Variants in CLSTN2 observed in about 807,000 individuals in gnomAD.
CLSTN2 encodes the protein calsyntenin-2.
Under a neutral mutation model 101.2 loss-of-function variants are expected in CLSTN2, and 48 were observed. The observed-to-expected ratio is 0.47, with a 90% CI of 0.38 to 0.60. The LOEUF is 0.60. Ranked by LOEUF, CLSTN2 falls within the 20% of genes least tolerant of loss-of-function variation. CLSTN2 has a pLI of 0.00. For missense variants in CLSTN2, 1,160 were observed against 1,238.2 expected (o/e 0.94, Z 0.95); for synonymous variants, 481 against 463.6 (o/e 1.04, Z -0.48).
At chr3:140,009,191 T>C (rs1241499738) in intron 1 of CLSTN2, among the ~76,000 whole-genome samples, 1 of 152,218 alleles carries the variant, frequency 6.6e-6, no homozygotes. Flanking sequence ...TTCCTATCTA[T>C]TGTACTTATC....
intron 2 of CLSTN2, among the ~76,000 whole-genome samples, chr3:140,330,032 A>G (rs910095454): frequency 6.6e-6 from 1 of 152,162 alleles, no homozygotes; most frequent in Non-Finnish European, 1.5e-5. Flanking sequence ...CTAGGGTTCT[A>G]TGATGCTGGC....
chr3:140,266,742 G>A (rs559106224), intron 2 of CLSTN2, among the ~76,000 whole-genome samples: 1 of 152,176 alleles, frequency 6.6e-6, no homozygotes. Flanking sequence ...CAAAGATCTT[G>A]ATTAGTCTAA....
intron 2 of CLSTN2, among the ~76,000 whole-genome samples, chr3:140,316,199 A>T (rs893717932): frequency 6.6e-6 from 1 of 152,180 alleles, no homozygotes; most frequent in Admixed American, 6.5e-5. Context: ...ATTCAGTGCA[A>T]GCAGTGAGGT....
intron 7 of CLSTN2, among the ~76,000 whole-genome samples, chr3:140,465,201 A>G (rs752222083): frequency 6.6e-6 from 1 of 152,234 alleles, no homozygotes; most frequent in Admixed American, 6.5e-5. Context: ...TGAAGTCATC[A>G]TCAAGGTAAA....
At chr3:140,471,050 G>A (rs945277457) in intron 8 of CLSTN2, among the ~76,000 whole-genome samples, 1 of 152,308 alleles carries the variant, frequency 6.6e-6, no homozygotes. Context: ...GCAGCTCCAG[G>A]AGATGCCTGT....
chr3:140,089,421 A>G (rs1469367020), intron 1 of CLSTN2, among the ~76,000 whole-genome samples: 1 of 152,028 alleles, frequency 6.6e-6, no homozygotes, highest in African/African-American at 2.4e-5. Flanking sequence ...GCCTCAACCC[A>G]GCTTCTCCAG....
Position 140,499,178 on chromosome 3 carries a change from C to G in CLSTN2, c.1344+32447C>G, listed in dbSNP as rs911384453. On this transcript the variant is annotated intron_variant, in intron 8 of 16. Transcript: ENST00000458420. The stretch of plus-strand genomic sequence containing the variant: ...AATTTTGCTAGAAATAATTCATATA[C>G]CTGACTCTGAAAAGCAGGGAGCTTC... Among the ~76,000 whole-genome samples, 3 of 152,092 alleles carry G rather than the reference C, an allele frequency of 2.0e-5. 1 individual carries two copies. The South Asian group carries it at 6.2e-4, about 32-fold the overall frequency.
intron 2 of CLSTN2, among the ~76,000 whole-genome samples, chr3:140,368,719 C>A (rs1247710577): frequency 6.6e-6 from 1 of 152,152 alleles, no homozygotes; most frequent in South Asian, 2.1e-4. Flanking sequence ...AAAGACTGGT[C>A]AGGACTTGAA....
chr3:140,383,926 A>G (rs531599717), intron 2 of CLSTN2, among the ~76,000 whole-genome samples: 3 of 152,342 alleles, frequency 2.0e-5, no homozygotes, highest in African/African-American at 4.8e-5. Flanking sequence ...TGTAATACCA[A>G]TATCCACGTA....
intron 8 of CLSTN2, among the ~76,000 whole-genome samples, chr3:140,490,737 T>C (rs1383428896): frequency 6.6e-6 from 1 of 152,090 alleles, no homozygotes; most frequent in Non-Finnish European, 1.5e-5. Context: ...AGGCTGAACA[T>C]TGATACTACG....
At chr3:140,242,868 G>A (rs1380784647) in intron 2 of CLSTN2, among the ~76,000 whole-genome samples, 1 of 152,158 alleles carries the variant, frequency 6.6e-6, no homozygotes, top group East Asian at 1.9e-4. Context: ...TGGAGGAAGG[G>A]CCTGAGCTGT....
At position 140,145,305 on chromosome 3, in the gene CLSTN2, A is replaced by C. The variant is rs117020333; in HGVS notation, c.110-30646A>C. Reference sequence around the variant, plus strand: ...GTGAAGGAGCCCCAGGGAAATCCATAACATCTTTGAGCCTGGTATAGCCTG... The same window carrying C: ...GTGAAGGAGCCCCAGGGAAATCCATCACATCTTTGAGCCTGGTATAGCCTG... On this transcript the variant is annotated intron_variant, in intron 1 of 16. Coordinates refer to ENST00000458420, the MANE Select transcript of CLSTN2 (RefSeq NM_022131.3). 6.6e-4 allele frequency among the ~76,000 whole-genome samples: 101 copies of C among 152,314 alleles called. No individual in the cohort carries two copies. The East Asian group carries it at 0.017, about 25-fold the overall frequency.
chr3:140,152,323 T>C (rs564202740), intron 1 of CLSTN2, among the ~76,000 whole-genome samples: 138 of 152,216 alleles, frequency 9.1e-4, no homozygotes, highest in African/African-American at 3.2e-3. Context: ...TCGTTTCCCA[T>C]GCTGTTCTCT....
chr3:140,180,304 G>A (rs924256786), intron 2 of CLSTN2, among the ~76,000 whole-genome samples: 2 of 152,126 alleles, frequency 1.3e-5, no homozygotes, highest in Admixed American at 6.5e-5. Flanking sequence ...CTTACTCTAA[G>A]TTCTCTTTCC....
At chr3:140,024,857 G>A (rs1315777526) in intron 1 of CLSTN2, among the ~76,000 whole-genome samples, 1 of 152,142 alleles carries the variant, frequency 6.6e-6, no homozygotes, top group East Asian at 1.9e-4. Flanking sequence ...TAAAGTACAT[G>A]GCACATATTT....
At chr3:140,500,053 C>T (rs1243067376) in intron 8 of CLSTN2, among the ~76,000 whole-genome samples, 30 of 149,566 alleles carry the variant, frequency 2.0e-4, no homozygotes, top group Admixed American at 1.9e-3. Context: ...GGTGACAGAG[C>T]GCGACTCCGT....
intron 2 of CLSTN2, among the ~76,000 whole-genome samples, chr3:140,366,299 C>CA (rs1436675690): frequency 6.6e-6 from 1 of 152,176 alleles, no homozygotes; most frequent in African/African-American, 2.4e-5. Flanking sequence ...AGGTGACACT[C>CA]AGAGTATGGG....
rs149796847 is a variant in CLSTN2 at position 139,953,484 on chromosome 3, C to T, written c.109+18001C>T. On this transcript the variant is annotated intron_variant, in intron 1 of 16. Coordinates refer to ENST00000458420, the MANE Select transcript of CLSTN2 (RefSeq NM_022131.3). Reference sequence around the variant, plus strand: ...GTATCCCCTCTGCTCATGCCTTTTTCGTGCAGGTAGGCCTGACTTCCAGCA... The same window carrying T: ...GTATCCCCTCTGCTCATGCCTTTTTTGTGCAGGTAGGCCTGACTTCCAGCA... Among the ~76,000 whole-genome samples the T allele has an allele frequency of 2.0e-4, 31 of 152,234 alleles. No homozygotes were observed. In the East Asian group the frequency reaches 5.8e-3, roughly 28 times the overall value.
At chr3:140,202,732 T>C (rs1006536585) in intron 2 of CLSTN2, among the ~76,000 whole-genome samples, 2 of 152,030 alleles carry the variant, frequency 1.3e-5, no homozygotes, top group Non-Finnish European at 2.9e-5. Context: ...ATAGAATAAA[T>C]GGCCAGTGTG....
Sources: gnomAD v4.1 joint callset for allele counts (sites outside exome capture counted in the v4.1 genomes callset) on GRCh38, gnomAD v4.1.1 for gene constraint, MANE v1.5 for transcripts, NCBI Gene and HGNC (gene_info 2026-07-23, HGNC 2026-07-21) for gene names.